Variants in LAMC2 observed in about 807,000 individuals in gnomAD.
LAMC2 encodes the protein laminin subunit gamma-2.
A neutral mutation model predicts 140.2 loss-of-function variants in LAMC2; 97 were observed. The ratio of observed to expected loss-of-function variants is 0.69; its 90% CI spans 0.59 to 0.82. The LOEUF is 0.82. LAMC2 is among the 40% of genes least tolerant of loss of function. The probability of loss-of-function intolerance (pLI) is 0.00; values close to 1 mark genes in which losing one functional copy is unlikely to be tolerated. For missense variants in LAMC2, 1,402 were observed against 1,476.1 expected (o/e 0.95, Z 0.82); for synonymous variants, 513 against 540.2 (o/e 0.95, Z 0.70).
intron 5 of LAMC2, 52 bp from the exon 6 acceptor site, chr1:183,222,037 T>G: frequency 6.2e-7 from 1 of 1,612,506 alleles, no homozygotes; most frequent in Non-Finnish European, 8.5e-7. Context: ...TTGTTTAACT[T>G]AATAGATGAT....
Position 183,234,366 on chromosome 1 carries a change from G to A in LAMC2, c.2221-1G>A, listed in dbSNP as rs1558096586. ...CTTAACCGATTCTCCTTTTCCCACA[G>A]AACATTCCTGCCTCAGACCACTACG... is the stretch of plus-strand genomic sequence containing the variant. On this transcript the variant is annotated splice_acceptor_variant, in intron 14 of 22. Coordinates refer to ENST00000264144, the MANE Select transcript of LAMC2 (RefSeq NM_005562.3). LOFTEE classifies it high-confidence loss of function. 2 of 1,613,520 alleles carry A rather than the reference G, an allele frequency of 1.2e-6. No individual in the cohort carries two copies. The highest frequency in any genetic ancestry group is 2.2e-5 in the East Asian group (1 of 44,880).
chr1:183,198,518 T>C (rs527548333), intron 1 of LAMC2, among the ~76,000 whole-genome samples: 2 of 152,360 alleles, frequency 1.3e-5, no homozygotes, highest in South Asian at 4.1e-4. Context: ...AACTTGCTGC[T>C]GTTTCACTGA....
At chr1:183,190,361 G>T (rs985209537) in intron 1 of LAMC2, among the ~76,000 whole-genome samples, 1 of 151,906 alleles carries the variant, frequency 6.6e-6, no homozygotes, top group Non-Finnish European at 1.5e-5. Context: ...CTCTCCTTTC[G>T]TCAGCCCAAG....
chr1:183,219,170 G>A (rs1659387006), intron 4 of LAMC2, among the ~76,000 whole-genome samples: 1 of 152,186 alleles, frequency 6.6e-6, no homozygotes, highest in African/African-American at 2.4e-5. Context: ...GGCGTCAGAA[G>A]CAAAGGCTTC....
At chr1:183,208,942 G>A (rs1484432240) in intron 2 of LAMC2, among the ~76,000 whole-genome samples, 2 of 150,468 alleles carry the variant, frequency 1.3e-5, no homozygotes, top group Non-Finnish European at 2.9e-5. Flanking sequence ...GCCTCCCAAA[G>A]TGCTAAGACT....
At chr1:183,246,971 A>G (rs367767318), downstream of LAMC2, among the ~76,000 whole-genome samples, 3 of 152,248 alleles carry the variant, frequency 2.0e-5, no homozygotes, top group East Asian at 3.8e-4. Flanking sequence ...TTTAGTATAT[A>G]TATTTTATAA....
intron 12 of LAMC2, 27 bp from the exon 13 acceptor site, chr1:183,232,160 G>T (rs763941219): frequency 8.1e-6 from 13 of 1,612,664 alleles, no homozygotes; most frequent in Non-Finnish European, 1.0e-5. Flanking sequence ...CTCCACCCTC[G>T]TTCTGATCTT....
chr1:183,234,902 C>G (rs538605074), intron 15 of LAMC2, among the ~76,000 whole-genome samples: 2 of 152,150 alleles, frequency 1.3e-5, no homozygotes, highest in Non-Finnish European at 2.9e-5. Context: ...AATGATAACA[C>G]GCAGCTCCCT....
chr1:183,237,520 T>C lies in LAMC2; in HGVS notation c.2754+16T>C, dbSNP rs1218717618. 2 of 1,604,758 alleles carry C rather than the reference T, an allele frequency of 1.2e-6. No homozygotes were observed. Among genetic ancestry groups the C allele is most frequent in the South Asian group, 2.2e-5 (2 of 90,584 alleles). ...TGGGAGAGAGGTATTCTTTTGTTAA[T>C]TCATTCACTCAATAAAGATGTATTG... On this transcript the variant is annotated intron_variant, in intron 18 of 22. Transcript: ENST00000264144.
rs547313237 is a variant in LAMC2 at position 183,208,265 on chromosome 1, A to G, written c.268+196A>G. On this transcript the variant is annotated intron_variant, in intron 2 of 22. Transcript: ENST00000264144. ...CCTACCAGACATTGGTCTTTTTAGC[A>G]GTTTCAATCTGAAAGGAAACATGTT... Among the ~76,000 whole-genome samples the G allele has an allele frequency of 1.6e-4, 24 of 152,314 alleles. No homozygotes were observed. In the East Asian group the frequency reaches 4.1e-3, roughly 26 times the overall value.
intron 10 of LAMC2, among the ~76,000 whole-genome samples, 155 bp downstream of exon 10, chr1:183,227,852 G>A (rs1481711701): frequency 2.6e-5 from 4 of 152,192 alleles, no homozygotes; most frequent in Admixed American, 2.6e-4. Context: ...TTAAAGATAA[G>A]ATATTGCAAT....
At chr1:183,232,587 TTA>T in intron 13 of LAMC2, 63 bp from the exon 14 acceptor site, 1 of 1,432,692 alleles carries the variant, frequency 7.0e-7, no homozygotes, top group Non-Finnish European at 9.8e-7. Context: ...CAACCCTCCG[TTA>T]TGTTTGCTAA....
Position 183,243,173 on chromosome 1 carries a change from G to T in LAMC2, c.3355G>T (p.Gly1119Trp), listed in dbSNP as rs1660172887. 6.2e-7 allele frequency: 1 copy of T among 1,605,424 alleles called. No individual in the cohort carries two copies. Residue 1119 changes from glycine to tryptophan, a missense_variant, in exon 23 of 23, where the codon GGG (glycine) becomes TGG (tryptophan). Coordinates refer to ENST00000264144, the MANE Select transcript of LAMC2 (RefSeq NM_005562.3). ...MDQPLSVDEE[G>W]LVLLEQKLSR... ...CCAGCCTCTCAGTGTAGATGAAGAGGGGCTGGTCTTACTGGAGCAGAAGCT... is the reference window on the plus strand; with the variant it reads ...CCAGCCTCTCAGTGTAGATGAAGAGTGGCTGGTCTTACTGGAGCAGAAGCT...
At chr1:183,255,661 G>C in the LAMC2 span, among the ~76,000 whole-genome samples, 4 of 119,406 alleles carry the variant, frequency 3.3e-5, no homozygotes, top group African/African-American at 1.5e-4. Flanking sequence ...TATTCCTAAG[G>C]GTTTTTTTTT....
At chr1:183,257,156 G>T in the LAMC2 span, among the ~76,000 whole-genome samples, 1 of 151,662 alleles carries the variant, frequency 6.6e-6, no homozygotes, top group African/African-American at 2.4e-5. Context: ...AGTTTAAAAT[G>T]TATAGGCCAG....
At chr1:183,246,856 T>C (rs1660252608), downstream of LAMC2, among the ~76,000 whole-genome samples, 1 of 152,246 alleles carries the variant, frequency 6.6e-6, no homozygotes, top group African/African-American at 2.4e-5. Flanking sequence ...CTCTCCCTTC[T>C]TCATACTATT....
intron 15 of LAMC2, among the ~76,000 whole-genome samples, chr1:183,234,914 C>G (rs371599990): frequency 7.2e-5 from 11 of 152,166 alleles, no homozygotes; most frequent in Non-Finnish European, 1.3e-4. Flanking sequence ...CAGCTCCCTT[C>G]ATCCTTGGCT....
chr1:183,208,846 ATTT>A (rs1658983371), intron 2 of LAMC2, among the ~76,000 whole-genome samples: 1 of 151,746 alleles, frequency 6.6e-6, no homozygotes. Context: ...CGCCCAGCTA[ATTT>A]TTTGTATTTT....
chr1:183,236,122 A>ATGTT (rs1409050232), intron 16 of LAMC2, among the ~76,000 whole-genome samples: 4 of 152,034 alleles, frequency 2.6e-5, no homozygotes, highest in Non-Finnish European at 5.9e-5. Flanking sequence ...TAAAAGGCTT[A>ATGTT]TGTTTAGTGG....
Sources: gnomAD v4.1 joint callset for allele counts (sites outside exome capture counted in the v4.1 genomes callset) on GRCh38, gnomAD v4.1.1 for gene constraint, MANE v1.5 for transcripts, NCBI Gene and HGNC (gene_info 2026-07-23, HGNC 2026-07-21) for gene names.